OLFM2: variants seen among roughly 807,000 people sequenced by gnomAD.
The protein encoded by OLFM2 is noelin-2.
OLFM2 carries 20 observed loss-of-function variants against 43.9 expected under a neutral mutation model. That is an observed-to-expected ratio of 0.46 (90% confidence interval 0.32 to 0.66). OLFM2 has a LOEUF of 0.66. Among genes scored for constraint, OLFM2 ranks in the 30% least tolerant of loss-of-function variants. OLFM2 has a pLI of 0.04. For missense variants in OLFM2, 416 were observed against 643.6 expected (o/e 0.65, Z 3.83); for synonymous variants, 268 against 278.6 (o/e 0.96, Z 0.38).
At chr19:9,877,659 A>G (rs1311445118) in intron 1 of OLFM2, among the ~76,000 whole-genome samples, 2 of 152,286 alleles carry the variant, frequency 1.3e-5, no homozygotes, top group East Asian at 3.9e-4. Context: ...TGCCATTATC[A>G]GGGAAGTGGG....
chr19:9,886,080 G>C (rs1344173321), intron 1 of OLFM2, among the ~76,000 whole-genome samples: 1 of 143,994 alleles, frequency 6.9e-6, no homozygotes. Context: ...CTGGGCAACG[G>C]AGCAAGACCC....
rs964624377 is a variant in OLFM2 at position 9,935,336 on chromosome 19, G to A, written c.63+968C>T. 4.5e-4 allele frequency among the ~76,000 whole-genome samples: 68 copies of A among 152,126 alleles called. 1 individual carries two copies. Among genetic ancestry groups the A allele is most frequent in the Admixed American group, 3.9e-4 (6 of 15,250 alleles). ...TGGGGGTGCTCTCACTCCCAAGATG[G>A]AGGAGGAGAGGGGCTTTCCAATAGC... is the stretch of plus-strand genomic sequence containing the variant. On this transcript the variant is annotated intron_variant, in intron 1 of 5. Coordinates refer to ENST00000264833, the MANE Select transcript of OLFM2 (RefSeq NM_058164.4).
At chr19:9,875,571 G>C (rs999961699) in intron 1 of OLFM2, among the ~76,000 whole-genome samples, 1 of 150,704 alleles carries the variant, frequency 6.6e-6, no homozygotes, top group Non-Finnish European at 1.5e-5. Flanking sequence ...ACTCACTGCA[G>C]CTTCGACTTC....
intron 1 of OLFM2, among the ~76,000 whole-genome samples, chr19:9,899,970 G>T (rs1050921337): frequency 6.6e-6 from 1 of 152,018 alleles, no homozygotes; most frequent in Non-Finnish European, 1.5e-5. Context: ...TTCCACAAGA[G>T]CAAGTGCCTT....
chr19:9,914,398 C>T (rs2046858601), intron 1 of OLFM2, among the ~76,000 whole-genome samples: 1 of 152,144 alleles, frequency 6.6e-6, no homozygotes, highest in Non-Finnish European at 1.5e-5. Context: ...TGAGACCACT[C>T]TAAGGATCCT....
At chr19:9,861,348 T>G (rs2046364323) in intron 1 of OLFM2, among the ~76,000 whole-genome samples, 1 of 151,470 alleles carries the variant, frequency 6.6e-6, no homozygotes, top group Non-Finnish European at 1.5e-5. Flanking sequence ...CACTCCAGCC[T>G]GGGTAACAGA....
intron 2 of OLFM2, among the ~76,000 whole-genome samples, chr19:9,858,350 T>C (rs2145431789): frequency 6.6e-6 from 1 of 151,136 alleles, no homozygotes; most frequent in South Asian, 2.1e-4. Flanking sequence ...CAAGTTCCCA[T>C]GGCTGGCTCC....
At chr19:9,914,862 G>A (rs897146195) in intron 1 of OLFM2, among the ~76,000 whole-genome samples, 27 of 152,038 alleles carry the variant, frequency 1.8e-4, no homozygotes, top group Non-Finnish European at 3.8e-4. Context: ...CGCCGCCGCC[G>A]TCGCCCTCAG....
Position 9,910,116 on chromosome 19 carries a change from G to C in OLFM2, c.63+26188C>G, listed in dbSNP as rs183756484. Among the ~76,000 whole-genome samples the C allele has an allele frequency of 2.0e-5, 3 of 152,228 alleles. No individual in the cohort carries two copies. The East Asian group carries it at 5.8e-4, about 29-fold the overall frequency. ...TCTTAGGAGGCTAAGACAGGAGAAT[G>C]ACTTGAGCCTAGGAGTTCCAGATGT... On this transcript the variant is annotated intron_variant, in intron 1 of 5. Transcript: ENST00000264833.
intron 1 of OLFM2, chr19:9,913,436 CG>C: frequency 9.9e-7 from 1 of 1,011,012 alleles, no homozygotes; most frequent in Non-Finnish European, 1.2e-6. Flanking sequence ...GGCTGTGGCG[CG>C]GGTACCACGC....
intron 1 of OLFM2, among the ~76,000 whole-genome samples, chr19:9,874,103 G>A (rs1280551245): frequency 6.6e-6 from 1 of 152,022 alleles, no homozygotes; most frequent in Non-Finnish European, 1.5e-5. Context: ...CAACATCCGT[G>A]CATCCATTAC....
At chr19:9,907,401 G>A (rs975646580) in intron 1 of OLFM2, among the ~76,000 whole-genome samples, 4 of 152,180 alleles carry the variant, frequency 2.6e-5, no homozygotes, top group South Asian at 2.1e-4. Context: ...GAGGGAGATC[G>A]CAGTGGGCCA....
At chr19:9,931,177 G>T (rs1452843116) in intron 1 of OLFM2, among the ~76,000 whole-genome samples, 1 of 152,172 alleles carries the variant, frequency 6.6e-6, no homozygotes, top group Admixed American at 6.5e-5. Context: ...AGCCCCAGGA[G>T]AACATCGTCT....
chr19:9,904,856 G>A (rs756229417), intron 1 of OLFM2, among the ~76,000 whole-genome samples: 3 of 151,792 alleles, frequency 2.0e-5, no homozygotes, highest in Non-Finnish European at 2.9e-5. Flanking sequence ...CCATCTCTAT[G>A]CAAAATTTAA....
At chr19:9,879,148 T>G (rs2046517257) in intron 1 of OLFM2, among the ~76,000 whole-genome samples, 3 of 152,158 alleles carry the variant, frequency 2.0e-5, no homozygotes, top group Admixed American at 6.6e-5. Context: ...TTTGTTTGTT[T>G]ATTTATTTTG....
At chr19:9,933,440 G>A (rs1262303239) in intron 1 of OLFM2, among the ~76,000 whole-genome samples, 2 of 151,804 alleles carry the variant, frequency 1.3e-5, no homozygotes, top group African/African-American at 4.8e-5. Context: ...GTTTCACCAT[G>A]TTGGCCGGGC....
At chr19:9,871,503 G>A (rs2046441723) in intron 1 of OLFM2, among the ~76,000 whole-genome samples, 1 of 151,270 alleles carries the variant, frequency 6.6e-6, no homozygotes, top group Non-Finnish European at 1.5e-5. Context: ...AACCCTGGAG[G>A]CGAAGGTTGC....
chr19:9,860,991 G>A (rs554150927), intron 1 of OLFM2, among the ~76,000 whole-genome samples, 197 bp from the exon 2 acceptor site: 1 of 152,238 alleles, frequency 6.6e-6, no homozygotes, highest in Non-Finnish European at 1.5e-5. Flanking sequence ...GGTGCGGAGG[G>A]CTTAAGGAAC....
intron 1 of OLFM2, chr19:9,913,772 A>G (rs929732843): frequency 4.1e-6 from 2 of 489,444 alleles, no homozygotes; most frequent in Middle Eastern, 9.9e-4. Context: ...GGACGGGGTG[A>G]GGGGGGGCTC....
Sources: gnomAD v4.1 joint callset for allele counts (sites outside exome capture counted in the v4.1 genomes callset) on GRCh38, gnomAD v4.1.1 for gene constraint, MANE v1.5 for transcripts, NCBI Gene and HGNC (gene_info 2026-07-23, HGNC 2026-07-21) for gene names.